ATG7: variants seen among roughly 807,000 people sequenced by gnomAD.
The protein encoded by ATG7 is autophagy related 7.
In ATG7, 70 loss-of-function variants were observed where a neutral mutation model predicts 82.4. The ratio of observed to expected loss-of-function variants is 0.85; its 90% CI spans 0.70 to 1.04. The LOEUF (loss-of-function observed/expected upper bound fraction) is 1.04, where lower values mean the gene tolerates loss of function less well. ATG7 is among the 50% of genes least tolerant of loss of function. The probability of loss-of-function intolerance (pLI) is 0.00; values close to 1 mark genes in which losing one functional copy is unlikely to be tolerated. For missense variants in ATG7, 792 were observed against 864.3 expected (o/e 0.92, Z 1.05); for synonymous variants, 287 against 313.0 (o/e 0.92, Z 0.88).
rs1484092300 is a variant in ATG7 at position 11,496,561 on chromosome 3, A to G, written c.2080-58250A>G. On this transcript the variant is annotated intron_variant, in intron 20 of 20. Transcript: ENST00000693202. ...TCGCTGGACCAGTGCATTAGGGACT[A>G]TCAAAGAGATTACAATAGCCAAGGG... Among the ~76,000 whole-genome samples the G allele has an allele frequency of 5.9e-5, 9 of 152,202 alleles. No homozygotes were observed. In the East Asian group the frequency reaches 7.7e-4, roughly 13 times the overall value.
At chr3:11,473,980 T>C (rs1428806339) in intron 20 of ATG7, among the ~76,000 whole-genome samples, 2 of 152,210 alleles carry the variant, frequency 1.3e-5, no homozygotes, top group Non-Finnish European at 2.9e-5. Context: ...ATTTACCAAC[T>C]CTTCATTATA....
At chr3:11,478,989 A>AACACACACAAACACACACACACACAC (rs766632953) in intron 20 of ATG7, among the ~76,000 whole-genome samples, 23 of 73,122 alleles carry the variant, frequency 3.1e-4, no homozygotes, top group East Asian at 4.7e-4. Context: ...GTATATTTAC[A>AACACACACAAACACACACACACACAC]ACACACACAC....
chr3:11,290,858 T>C (rs1488986978), intron 3 of ATG7, among the ~76,000 whole-genome samples: 2 of 152,086 alleles, frequency 1.3e-5, no homozygotes, highest in Admixed American at 1.3e-4. Context: ...CTAATTTTTG[T>C]ATTTTTAGTG....
At chr3:11,376,638 T>TA (rs200102879) in intron 18 of ATG7, among the ~76,000 whole-genome samples, 191 of 151,526 alleles carry the variant, frequency 1.3e-3, no homozygotes, top group African/African-American at 2.6e-3. Context: ...ACAGAGTCTG[T>TA]AAAAAAAAAT....
intron 9 of ATG7, among the ~76,000 whole-genome samples, chr3:11,318,871 A>G (rs1949814641): frequency 1.3e-5 from 2 of 152,302 alleles, no homozygotes; most frequent in African/African-American, 4.8e-5. Flanking sequence ...TCATTACCCC[A>G]GGAAGCACTG....
intron 20 of ATG7, among the ~76,000 whole-genome samples, chr3:11,428,522 T>C (rs576909895): frequency 2.0e-5 from 3 of 152,378 alleles, no homozygotes; most frequent in South Asian, 2.1e-4. Context: ...CTTCCACTTA[T>C]GGCCAATAGT....
intron 17 of ATG7, 104 bp downstream of exon 17, chr3:11,363,032 T>C: frequency 1.0e-6 from 1 of 986,418 alleles, no homozygotes. Flanking sequence ...ACAGAGAATT[T>C]CACTATTTCA....
chr3:11,436,706 C>T (rs987398150), intron 20 of ATG7, among the ~76,000 whole-genome samples: 45 of 152,088 alleles, frequency 3.0e-4, no homozygotes, highest in African/African-American at 1.9e-4. Context: ...TCAGCTATTA[C>T]GCTGGAATAA....
chr3:11,453,490 G>A (rs748694968), intron 20 of ATG7, among the ~76,000 whole-genome samples: 159 of 152,214 alleles, frequency 1.0e-3, no homozygotes, highest in Non-Finnish European at 1.9e-3. Context: ...AGAACAGCTA[G>A]AAAAGGGTGG....
chr3:11,435,843 C>T (rs1211296952), intron 20 of ATG7, among the ~76,000 whole-genome samples: 2 of 152,120 alleles, frequency 1.3e-5, no homozygotes, highest in Non-Finnish European at 2.9e-5. Context: ...AAATTTTGTG[C>T]TTCAAAGGAC....
intron 19 of ATG7, among the ~76,000 whole-genome samples, chr3:11,409,775 C>CTTTT (rs36100546): frequency 6.9e-6 from 1 of 144,366 alleles, no homozygotes; most frequent in African/African-American, 2.5e-5. Context: ...TGTCTAGATT[C>CTTTT]TTTTTTTTTT....
At chr3:11,471,234 T>G (rs935047524) in intron 20 of ATG7, among the ~76,000 whole-genome samples, 2 of 152,110 alleles carry the variant, frequency 1.3e-5, no homozygotes, top group Non-Finnish European at 2.9e-5. Flanking sequence ...GGCAGACAGC[T>G]CCTACCGCTG....
chr3:11,360,498 A>C (rs878960518), intron 15 of ATG7, 83 bp from the exon 16 acceptor site: 18 of 1,398,620 alleles, frequency 1.3e-5, no homozygotes, highest in Non-Finnish European at 1.7e-5. Context: ...TAAATTTTAA[A>C]AAGTTGAGCA....
At chr3:11,281,629 C>T (rs1943050948) in intron 2 of ATG7, among the ~76,000 whole-genome samples, 5 of 151,984 alleles carry the variant, frequency 3.3e-5, no homozygotes, top group African/African-American at 1.2e-4. Flanking sequence ...AAAAAATTAC[C>T]TGGGCGTAGT....
At chr3:11,352,064 A>G (rs1402361038) in intron 14 of ATG7, among the ~76,000 whole-genome samples, 1 of 142,896 alleles carries the variant, frequency 7.0e-6, no homozygotes, top group Non-Finnish European at 1.5e-5. Context: ...AAGTGTGCTC[A>G]TTGTTCAATT....
chr3:11,501,156 A>G (rs552893465), intron 20 of ATG7, among the ~76,000 whole-genome samples: 3 of 152,342 alleles, frequency 2.0e-5, no homozygotes, highest in African/African-American at 7.2e-5. Context: ...TGGGATGCTG[A>G]GGTGGGAGGA....
In ATG7 at chr3:11,447,899, A is replaced by C. The variant is rs531412875; in HGVS notation, c.2079+20973A>C. 3.5e-4 allele frequency among the ~76,000 whole-genome samples: 53 copies of C among 152,282 alleles called. No individual in the cohort carries two copies. The South Asian group carries it at 7.1e-3, about 20-fold the overall frequency. ...TGATGGGGGATGGTCCTCCTCAACA[A>C]ACTGATGCAGATGGATGGGTGTTGG... is the stretch of plus-strand genomic sequence containing the variant. On this transcript the variant is annotated intron_variant, in intron 20 of 20. Coordinates refer to ENST00000693202, the MANE Select transcript of ATG7 (RefSeq NM_001349232.2).
intron 18 of ATG7, among the ~76,000 whole-genome samples, chr3:11,365,524 A>AT (rs1327707139): frequency 6.6e-6 from 1 of 151,804 alleles, no homozygotes; most frequent in Non-Finnish European, 1.5e-5. Context: ...TTTTTTTTAG[A>AT]TTCCATGTAT....
intron 19 of ATG7, among the ~76,000 whole-genome samples, chr3:11,412,967 T>G (rs2081049073): frequency 6.6e-6 from 1 of 152,160 alleles, no homozygotes; most frequent in African/African-American, 2.4e-5. Flanking sequence ...GTAAATAAAC[T>G]TATAGTTTCT....
Sources: gnomAD v4.1 joint callset for allele counts (sites outside exome capture counted in the v4.1 genomes callset) on GRCh38, gnomAD v4.1.1 for gene constraint, MANE v1.5 for transcripts, NCBI Gene and HGNC (gene_info 2026-07-23, HGNC 2026-07-21) for gene names.